The following AKIRIN2 variants were observed in gnomAD, a reference collection of about 807,000 sequenced individuals.
AKIRIN2 encodes the protein akirin-2.
A neutral mutation model predicts 29.3 loss-of-function variants in AKIRIN2; 6 were observed. The ratio of observed to expected loss-of-function variants is 0.20; its 90% CI spans 0.11 to 0.40. The LOEUF (loss-of-function observed/expected upper bound fraction) is 0.40. Among genes scored for constraint, AKIRIN2 ranks in the 10% least tolerant of loss-of-function variants. The pLI, the probability that AKIRIN2 is intolerant of heterozygous loss-of-function variation, is 1.00. For missense variants in AKIRIN2, 210 were observed against 276.1 expected (o/e 0.76, Z 1.70); for synonymous variants, 128 against 117.5 (o/e 1.09, Z -0.58).
intron 1 of AKIRIN2, among the ~76,000 whole-genome samples, chr6:87,684,906 C>T (rs1771165631): frequency 6.6e-6 from 1 of 152,106 alleles, no homozygotes; most frequent in African/African-American, 2.4e-5. Context: ...AATCATATGG[C>T]AAATGAAGGG....
At chr6:87,681,469 A>T (rs906001398) in intron 2 of AKIRIN2, 151 bp downstream of exon 2, 2 of 760,828 alleles carry the variant, frequency 2.6e-6, no homozygotes, top group Non-Finnish European at 3.9e-6. Flanking sequence ...ATTTTGTACC[A>T]TATTATTTTT....
Position 87,702,064 on chromosome 6 carries a change from G to C in AKIRIN2, c.-380C>G. ...TCTGTGCTGAGACTAGATCCTTTCT[G>C]AAGTCGAAAACAGCACCGTGGGGTG... On this transcript the variant is annotated 5_prime_UTR_variant, in exon 1 of 5. Transcript: ENST00000257787. 1 of 399,688 alleles carries C rather than the reference G, an allele frequency of 2.5e-6. No individual in the cohort carries two copies. Among genetic ancestry groups the C allele is most frequent in the Admixed American group, 4.4e-5 (1 of 22,748 alleles). 24.8% of individuals were successfully genotyped at this position (399,688 alleles called of 1,614,324 possible). A position where few individuals can be genotyped will look rare whatever the true frequency, so the allele number is the denominator to read the frequency against.
chr6:87,695,260 TAAAC>T (rs1231003568), intron 1 of AKIRIN2, among the ~76,000 whole-genome samples: 2 of 152,214 alleles, frequency 1.3e-5, no homozygotes, highest in East Asian at 3.8e-4. Flanking sequence ...TTCAAAGTCT[TAAAC>T]TAATTGCAGT....
chr6:87,701,736 G>C lies in AKIRIN2; in HGVS notation c.-52C>G, dbSNP rs1489631388. On this transcript the variant is annotated 5_prime_UTR_variant, in exon 1 of 5. Transcript: ENST00000257787. The stretch of plus-strand genomic sequence containing the variant: ...TCGGGTGGGGTCGGGGACGGGTGAC[G>C]AAAGAAGAGGGTGAGGGAAGGGGTG... 9 of 1,286,014 alleles carry C rather than the reference G, an allele frequency of 7.0e-6. 2 individuals are homozygous for C. The Middle Eastern group carries it at 1.2e-3, about 169-fold the overall frequency. 79.7% of individuals were successfully genotyped at this position (1,286,014 alleles called of 1,614,324 possible).
At chr6:87,686,040 C>T (rs1283721045) in intron 1 of AKIRIN2, among the ~76,000 whole-genome samples, 4 of 151,974 alleles carry the variant, frequency 2.6e-5, no homozygotes, top group Non-Finnish European at 5.9e-5. Context: ...CACAGTGAAA[C>T]CCCATCTCTA....
At chr6:87,701,320 G>A in intron 1 of AKIRIN2, 130 bp downstream of exon 1, 3 of 898,732 alleles carry the variant, frequency 3.3e-6, no homozygotes, top group Non-Finnish European at 3.2e-6. Flanking sequence ...AAACGTGGCT[G>A]CCCTACTACT....
At chr6:87,681,304 A>G (rs1156649447) in intron 2 of AKIRIN2, among the ~76,000 whole-genome samples, 1 of 152,258 alleles carries the variant, frequency 6.6e-6, no homozygotes, top group Non-Finnish European at 1.5e-5. Context: ...GGCCTCCCCA[A>G]GTGCTGGGAT....
At chr6:87,694,982 T>C (rs1771335629) in intron 1 of AKIRIN2, among the ~76,000 whole-genome samples, 1 of 152,218 alleles carries the variant, frequency 6.6e-6, no homozygotes, top group Non-Finnish European at 1.5e-5. Flanking sequence ...TTAATATAGA[T>C]ACAATATCAT....
intron 1 of AKIRIN2, among the ~76,000 whole-genome samples, chr6:87,684,377 A>T (rs1398704766): frequency 6.6e-6 from 1 of 152,244 alleles, no homozygotes; most frequent in African/African-American, 2.4e-5. Flanking sequence ...ATTTTAAGGT[A>T]TAATTTACAA....
Position 87,702,232 on chromosome 6 carries a change from C to T in AKIRIN2, c.-548G>A. ...ACCGCTTCCCCTCCCTCGTAGAACT[C>T]TCCCACCCGCCGCCGGCCCCAATAT... is the stretch of plus-strand genomic sequence containing the variant. On this transcript the variant is annotated 5_prime_UTR_variant, in exon 1 of 5. Transcript: ENST00000257787. 1 of 397,170 alleles carries T rather than the reference C, an allele frequency of 2.5e-6. No individual in the cohort carries two copies. Among genetic ancestry groups the T allele is most frequent in the Non-Finnish European group, 4.4e-6 (1 of 225,578 alleles). 24.6% of individuals were successfully genotyped at this position (397,170 alleles called of 1,614,324 possible).
rs1011135270 is a variant in AKIRIN2 at position 87,684,883 on chromosome 6, G to C, written c.236-3120C>G. 3.9e-5 allele frequency among the ~76,000 whole-genome samples: 6 copies of C among 152,240 alleles called. No homozygotes were observed. The Middle Eastern group carries it at 0.014, about 345-fold the overall frequency. ...CTCTTGGATAAATACCTAGGAGTGG[G>C]AATGGGCTGCCTAATCATATGGCAA... On this transcript the variant is annotated intron_variant, in intron 1 of 4. Coordinates refer to ENST00000257787, the MANE Select transcript of AKIRIN2 (RefSeq NM_018064.4).
At chr6:87,688,771 A>G (rs189406180) in intron 1 of AKIRIN2, among the ~76,000 whole-genome samples, 2 of 152,170 alleles carry the variant, frequency 1.3e-5, no homozygotes, top group East Asian at 3.9e-4. Context: ...AAAACACACA[A>G]TAAATGGAGA....
chr6:87,680,121 AAAT>A (rs1771093656), intron 2 of AKIRIN2, among the ~76,000 whole-genome samples: 1 of 152,198 alleles, frequency 6.6e-6, no homozygotes, highest in African/African-American at 2.4e-5. Context: ...GTGAGTAAGG[AAAT>A]AATGATCTTG....
Position 87,701,778 on chromosome 6 carries a change from G to A in AKIRIN2, c.-94C>T. On this transcript the variant is annotated 5_prime_UTR_variant, in exon 1 of 5. Transcript: ENST00000257787. ...GAAGGGGTGAAGAGCGGGAACTCGA[G>A]GAGAGCCTACCCGACGGGCTCAGGA... The A allele has an allele frequency of 7.4e-6, 7 of 943,266 alleles. No individual in the cohort carries two copies. Among genetic ancestry groups the A allele is most frequent in the Non-Finnish European group, 1.0e-5 (7 of 688,030 alleles). 58.4% of individuals were successfully genotyped at this position (943,266 alleles called of 1,614,324 possible). A position where few individuals can be genotyped will look rare whatever the true frequency, so the allele number is the denominator to read the frequency against.
At chr6:87,698,159 T>C (rs1276782119) in intron 1 of AKIRIN2, among the ~76,000 whole-genome samples, 1 of 152,210 alleles carries the variant, frequency 6.6e-6, no homozygotes, top group African/African-American at 2.4e-5. Context: ...TCACCAACGA[T>C]ATTCAATGCT....
chr6:87,701,347 C>T (rs1771460715), intron 1 of AKIRIN2, 103 bp downstream of exon 1: 7 of 1,262,762 alleles, frequency 5.5e-6, no homozygotes, highest in Middle Eastern at 4.9e-4. Context: ...AGAACAAGAA[C>T]CACACAGTCC....
chr6:87,699,153 T>C (rs1188559092), intron 1 of AKIRIN2, among the ~76,000 whole-genome samples: 1 of 152,144 alleles, frequency 6.6e-6, no homozygotes, highest in Non-Finnish European at 1.5e-5. Context: ...AGTTTAAGAA[T>C]AATCGGTGTT....
intron 1 of AKIRIN2, among the ~76,000 whole-genome samples, chr6:87,691,129 C>T (rs888801579): frequency 6.6e-6 from 1 of 152,068 alleles, no homozygotes; most frequent in Non-Finnish European, 1.5e-5. Flanking sequence ...GGAGCGAAGG[C>T]TACCAAGATC....
chr6:87,694,058 C>T (rs1025274301), intron 1 of AKIRIN2, among the ~76,000 whole-genome samples: 1 of 152,162 alleles, frequency 6.6e-6, no homozygotes. Flanking sequence ...GTACATTCTA[C>T]TCTTCATTTA....
Sources: gnomAD v4.1 joint callset for allele counts (sites outside exome capture counted in the v4.1 genomes callset) on GRCh38, gnomAD v4.1.1 for gene constraint, MANE v1.5 for transcripts, NCBI Gene and HGNC (gene_info 2026-07-23, HGNC 2026-07-21) for gene names.